The following TMEM232 variants were observed in gnomAD, a reference collection of about 807,000 sequenced individuals.
TMEM232 encodes transmembrane protein 232.
Under a neutral mutation model 78.8 loss-of-function variants are expected in TMEM232, and 80 were observed. The ratio of observed to expected loss-of-function variants is 1.01; its 90% confidence interval spans 0.85 to 1.22. The LOEUF (loss-of-function observed/expected upper bound fraction) is 1.22. TMEM232 is among the 50% of genes most tolerant of loss of function. TMEM232 has a pLI of 0.00. For synonymous variants in TMEM232, 297 were observed against 254.3 expected, an observed-to-expected ratio of 1.17 and a Z score of -1.60; for missense variants, 881 against 742.2, an observed-to-expected ratio of 1.19 and a Z score of -2.17.
intron 2 of TMEM232, among the ~76,000 whole-genome samples, chr5:110,399,667 T>C (rs1755522091): frequency 6.6e-6 from 1 of 152,088 alleles, no homozygotes; most frequent in Non-Finnish European, 1.5e-5. Flanking sequence ...TTTCAGGTTA[T>C]TGATGTGGGA....
chr5:110,609,048 T>C (rs929939237), intron 8 of TMEM232, among the ~76,000 whole-genome samples: 1 of 152,038 alleles, frequency 6.6e-6, no homozygotes, highest in Non-Finnish European at 1.5e-5. Flanking sequence ...TTTATAGAAG[T>C]TAGGAACATC....
intron 1 of TMEM232, among the ~76,000 whole-genome samples, chr5:110,736,956 A>G (rs539075991): frequency 1.0e-4 from 15 of 150,500 alleles, no homozygotes; most frequent in African/African-American, 3.7e-4. Context: ...CACTTCATTC[A>G]GTTCTCTGCT....
chr5:110,524,793 T>C (rs1370666613), intron 12 of TMEM232, among the ~76,000 whole-genome samples: 2 of 152,168 alleles, frequency 1.3e-5, no homozygotes, highest in Admixed American at 6.5e-5. Context: ...TCCAATTCTG[T>C]CAATATTGAT....
At chr5:110,393,585 C>A (rs1755281337) in intron 3 of TMEM232, among the ~76,000 whole-genome samples, 1 of 152,098 alleles carries the variant, frequency 6.6e-6, no homozygotes, top group African/African-American at 2.4e-5. Flanking sequence ...TCCAATACAA[C>A]TTTTTAAATC....
intron 3 of TMEM232, among the ~76,000 whole-genome samples, chr5:110,390,874 C>G (rs1457511056): frequency 6.6e-6 from 1 of 152,192 alleles, no homozygotes; most frequent in Non-Finnish European, 1.5e-5. Context: ...CAGTGCTCAC[C>G]TTTGGGAAGA....
At chr5:110,459,830 T>C (rs1324690847) in intron 12 of TMEM232, among the ~76,000 whole-genome samples, 4 of 152,178 alleles carry the variant, frequency 2.6e-5, no homozygotes, top group African/African-American at 7.2e-5. Context: ...CCTGATATGA[T>C]ACACTGAGAA....
At chr5:110,435,887 C>T (rs569837599) in intron 12 of TMEM232, among the ~76,000 whole-genome samples, 271 of 152,080 alleles carry the variant, frequency 1.8e-3, no homozygotes, top group African/African-American at 6.1e-3. Flanking sequence ...GCTTCTAAAC[C>T]TTGGCTATTG....
chr5:110,455,825 C>G (rs1008845555), intron 12 of TMEM232, among the ~76,000 whole-genome samples: 5 of 152,082 alleles, frequency 3.3e-5, no homozygotes, highest in African/African-American at 9.7e-5. Flanking sequence ...CATAATTAAC[C>G]ACATCACTAA....
chr5:110,540,132 A>C (rs1228675163), intron 11 of TMEM232, among the ~76,000 whole-genome samples: 1 of 152,186 alleles, frequency 6.6e-6, no homozygotes, highest in Non-Finnish European at 1.5e-5. Context: ...GGCCTAACTA[A>C]GCCCTTCTCC....
rs187415250 is a variant in TMEM232 at position 110,496,331 on chromosome 5, T to C, written c.1703+32257A>G. On this transcript the variant is annotated intron_variant, in intron 12 of 13. Coordinates refer to ENST00000455884, the MANE Select transcript of TMEM232 (RefSeq NM_001039763.4). ...CATATCAAGCTCCTTGCATAGAAGC[T>C]GCAAAATTTTAATGTAATGAAGCTC... Among the ~76,000 whole-genome samples, 22 of 152,114 alleles carry C rather than the reference T, an allele frequency of 1.4e-4. No homozygotes were observed. In the East Asian group the frequency reaches 3.9e-3, roughly 27 times the overall value.
chr5:110,700,779 T>C (rs1394351595), intron 1 of TMEM232, among the ~76,000 whole-genome samples: 17 of 138,120 alleles, frequency 1.2e-4, no homozygotes, highest in African/African-American at 3.9e-4. Flanking sequence ...GGTAGATAGA[T>C]AGATAGGTAG....
chr5:110,705,373 T>C (rs1397361069), intron 1 of TMEM232, among the ~76,000 whole-genome samples: 1 of 152,098 alleles, frequency 6.6e-6, no homozygotes, highest in East Asian at 1.9e-4. Flanking sequence ...AGTCAATACT[T>C]ACCAATCTAA....
At chr5:110,704,119 C>T (rs1029397978) in intron 1 of TMEM232, among the ~76,000 whole-genome samples, 2 of 152,036 alleles carry the variant, frequency 1.3e-5, no homozygotes, top group African/African-American at 4.8e-5. Flanking sequence ...TGATAAAACT[C>T]TTTTTACAGT....
chr5:110,408,637 A>G (rs1050012206), intron 2 of TMEM232, among the ~76,000 whole-genome samples: 24 of 152,192 alleles, frequency 1.6e-4, no homozygotes, highest in African/African-American at 4.6e-4. Context: ...AGGTGAAACA[A>G]AAAGTTTGTT....
chr5:110,683,544 G>T (rs966744722), intron 1 of TMEM232, among the ~76,000 whole-genome samples: 4 of 151,678 alleles, frequency 2.6e-5, no homozygotes, highest in Non-Finnish European at 4.4e-5. Flanking sequence ...TTTTAAAATT[G>T]TTAATAAAAT....
intron 11 of TMEM232, among the ~76,000 whole-genome samples, chr5:110,546,971 A>G (rs538361638): frequency 6.6e-6 from 1 of 152,136 alleles, no homozygotes; most frequent in South Asian, 2.1e-4. Flanking sequence ...AAAAAGAAAA[A>G]GAGAAAGAGA....
intron 11 of TMEM232, among the ~76,000 whole-genome samples, chr5:110,567,030 T>C (rs1441231232): frequency 2.0e-5 from 3 of 151,808 alleles, no homozygotes; most frequent in African/African-American, 7.3e-5. Flanking sequence ...AAACTGTCTT[T>C]ATAAAACCAT....
chr5:110,483,475 C>A (rs908054768), intron 12 of TMEM232, among the ~76,000 whole-genome samples: 1 of 152,016 alleles, frequency 6.6e-6, no homozygotes, highest in South Asian at 2.1e-4. Flanking sequence ...AAGATTTCAT[C>A]ATTCTCAGCA....
chr5:110,715,515 G>A (rs927574052), intron 1 of TMEM232, among the ~76,000 whole-genome samples: 1 of 152,166 alleles, frequency 6.6e-6, no homozygotes, highest in South Asian at 2.1e-4. Context: ...AGAAAGTTAG[G>A]AAGCTTCTTG....
Sources: allele counts gnomAD v4.1 joint callset (sites outside exome capture counted in the v4.1 genomes callset), GRCh38; gene constraint gnomAD v4.1.1; transcripts MANE v1.5; gene names NCBI Gene and HGNC (gene_info 2026-07-23, HGNC 2026-07-21).